ASCC3: variants seen among roughly 807,000 people sequenced by gnomAD.
The protein encoded by ASCC3 is activating signal cointegrator 1 complex subunit 3.
A neutral mutation model predicts 256.3 loss-of-function variants in ASCC3; 158 were observed. That is an observed-to-expected ratio of 0.62 (90% CI 0.54 to 0.70). ASCC3 has a LOEUF of 0.70. Ranked by LOEUF, ASCC3 falls within the 30% of genes least tolerant of loss-of-function variation. The pLI is 0.00. For missense variants in ASCC3, 2,259 were observed against 2,626.0 expected (o/e 0.86, Z 3.05); for synonymous variants, 948 against 883.4 (o/e 1.07, Z -1.30).
intron 8 of ASCC3, among the ~76,000 whole-genome samples, chr6:100,790,680 A>T (rs1889888): frequency 0.94 from 142,908 of 151,968 alleles, 67,515 homozygotes; most frequent in South Asian, 0.99. Flanking sequence ...GAAAAGTTAT[A>T]CTGGGACAGT....
Position 100,665,597 on chromosome 6 carries a change from G to A in ASCC3, c.2287-3061C>T, listed in dbSNP as rs577879155. The stretch of plus-strand genomic sequence containing the variant: ...ACAAACAAACAAAAAAAAAATAGCC[G>A]GGCATGGTGGCATGTGCCTGTAGTC... On this transcript the variant is annotated intron_variant, in intron 14 of 41. Coordinates refer to ENST00000369162, the MANE Select transcript of ASCC3 (RefSeq NM_006828.4). 1.5e-4 allele frequency among the ~76,000 whole-genome samples: 22 copies of A among 151,702 alleles called. No homozygotes were observed. The South Asian group carries it at 2.1e-3, about 14-fold the overall frequency.
At chr6:100,745,580 T>C (rs2115080419) in intron 10 of ASCC3, among the ~76,000 whole-genome samples, 1 of 152,182 alleles carries the variant, frequency 6.6e-6, no homozygotes, top group Middle Eastern at 3.4e-3. Flanking sequence ...TGTTCTGTAT[T>C]GCCATCATGC....
chr6:100,535,025 A>G (rs946636659), intron 37 of ASCC3, among the ~76,000 whole-genome samples: 1 of 152,226 alleles, frequency 6.6e-6, no homozygotes, highest in Non-Finnish European at 1.5e-5. Flanking sequence ...AAGTCCTGAA[A>G]TTGTTGTTTA....
chr6:100,724,966 C>T (rs1186538907), intron 11 of ASCC3, among the ~76,000 whole-genome samples: 1 of 151,974 alleles, frequency 6.6e-6, no homozygotes, highest in East Asian at 1.9e-4. Context: ...ATATTTCCCA[C>T]TAGTAATCGG....
At chr6:100,522,406 G>A in intron 37 of ASCC3, among the ~76,000 whole-genome samples, 1 of 152,096 alleles carries the variant, frequency 6.6e-6, no homozygotes, top group East Asian at 1.9e-4. Flanking sequence ...TTACTTAAGA[G>A]AGGTGAGCTG....
At chr6:100,584,432 T>C (rs1269849169) in intron 36 of ASCC3, among the ~76,000 whole-genome samples, 2 of 151,872 alleles carry the variant, frequency 1.3e-5, no homozygotes, top group Non-Finnish European at 2.9e-5. Context: ...TTGTTTTCCA[T>C]TTGCTTGGTA....
intron 23 of ASCC3, among the ~76,000 whole-genome samples, chr6:100,643,796 T>C (rs1775245672): frequency 6.6e-6 from 1 of 150,796 alleles, no homozygotes; most frequent in Non-Finnish European, 1.5e-5. Flanking sequence ...CCTTGTTCAC[T>C]GAAATGTCAC....
chr6:100,518,326 T>C (rs1240887645), intron 37 of ASCC3, among the ~76,000 whole-genome samples, 184 bp from the exon 38 acceptor site: 1 of 152,138 alleles, frequency 6.6e-6, no homozygotes, highest in Non-Finnish European at 1.5e-5. Context: ...AATCTGATCA[T>C]AGCATTTACT....
At chr6:100,545,469 C>T (rs1305015016) in intron 36 of ASCC3, among the ~76,000 whole-genome samples, 3 of 152,174 alleles carry the variant, frequency 2.0e-5, no homozygotes, top group South Asian at 2.1e-4. Flanking sequence ...AGCCACAGCG[C>T]TGGCCATAAA....
chr6:100,554,458 G>A (rs1296679124), intron 36 of ASCC3, among the ~76,000 whole-genome samples: 1 of 152,156 alleles, frequency 6.6e-6, no homozygotes, highest in Non-Finnish European at 1.5e-5. Context: ...AGATAAGAGG[G>A]CACTTGTACA....
rs1416721189 is a variant in ASCC3, at chr6:100,508,229, A to G, written c.*1157T>C. The G allele has an allele frequency of 6.6e-6, 1 of 152,188 alleles. No homozygotes were observed. Among genetic ancestry groups the G allele is most frequent in the Non-Finnish European group, 1.5e-5 (1 of 68,022 alleles). 9.4% of individuals were successfully genotyped at this position (152,188 alleles called of 1,614,324 possible). On this transcript the variant is annotated 3_prime_UTR_variant, in exon 42 of 42. Transcript: ENST00000369162. ...CTTCTTTTTTATTTAAGCATGGAAAAGGATATATACAAGCAATACATTCCA... is the reference window on the plus strand; with the variant it reads ...CTTCTTTTTTATTTAAGCATGGAAAGGGATATATACAAGCAATACATTCCA...
chr6:100,741,167 T>C (rs1009089328), intron 10 of ASCC3, among the ~76,000 whole-genome samples: 2 of 152,344 alleles, frequency 1.3e-5, no homozygotes, highest in East Asian at 1.9e-4. Flanking sequence ...TAGGAAATTA[T>C]GGGTTGGAAA....
At chr6:100,725,395 G>T in intron 11 of ASCC3, 144 bp downstream of exon 11, 2 of 993,314 alleles carry the variant, frequency 2.0e-6, no homozygotes, top group Non-Finnish European at 3.0e-6. Flanking sequence ...GGGACAACAG[G>T]TACATTCCCC....
chr6:100,567,511 T>C (rs1770330085), intron 36 of ASCC3, among the ~76,000 whole-genome samples: 1 of 152,194 alleles, frequency 6.6e-6, no homozygotes, highest in African/African-American at 2.4e-5. Context: ...AATGATTCTA[T>C]CACCCAAGTA....
chr6:100,578,212 A>G (rs1049574159), intron 36 of ASCC3, among the ~76,000 whole-genome samples: 2 of 152,058 alleles, frequency 1.3e-5, no homozygotes, highest in Admixed American at 6.6e-5. Context: ...AACAGGCATA[A>G]CATATAGAAT....
intron 32 of ASCC3, among the ~76,000 whole-genome samples, chr6:100,606,008 A>G (rs1054126496): frequency 1.1e-4 from 17 of 152,028 alleles, no homozygotes; most frequent in Non-Finnish European, 2.1e-4. Flanking sequence ...ATGCTGTTTA[A>G]TAGATATTAT....
At chr6:100,509,663 G>A in intron 41 of ASCC3, 130 bp from the exon 42 acceptor site, 3 of 925,526 alleles carry the variant, frequency 3.2e-6, no homozygotes, top group Non-Finnish European at 5.0e-6. Flanking sequence ...CACTTTGGGA[G>A]GCCGAGGCGG....
intron 39 of ASCC3, among the ~76,000 whole-genome samples, chr6:100,513,977 GGTTTTT>G (rs1408355467): frequency 6.7e-6 from 1 of 149,908 alleles, no homozygotes; most frequent in African/African-American, 2.5e-5. Context: ...CTTTAATTTT[GGTTTTT>G]CTTTTATTCC....
chr6:100,819,630 G>A (rs1424775416), intron 4 of ASCC3, among the ~76,000 whole-genome samples: 1 of 152,050 alleles, frequency 6.6e-6, no homozygotes, highest in Non-Finnish European at 1.5e-5. Flanking sequence ...AGAGTCCGAT[G>A]TTCAAGGGCA....
Sources: gnomAD v4.1 joint callset for allele counts (sites outside exome capture counted in the v4.1 genomes callset) on GRCh38, gnomAD v4.1.1 for gene constraint, MANE v1.5 for transcripts, NCBI Gene and HGNC (gene_info 2026-07-23, HGNC 2026-07-21) for gene names.